The following FAM117B variants were observed in gnomAD, a reference collection of about 807,000 sequenced individuals.
FAM117B encodes family with sequence similarity 117 member B, also known as protein FAM117B.
A neutral mutation model predicts 52.8 loss-of-function variants in FAM117B; 22 were observed. The observed-to-expected ratio is 0.42, with a 90% CI of 0.30 to 0.59. FAM117B has a LOEUF of 0.59. Among genes scored for constraint, FAM117B ranks in the 20% least tolerant of loss-of-function variants. The pLI, the probability that FAM117B is intolerant of heterozygous loss-of-function variation, is 0.22. For missense variants in FAM117B, 678 were observed against 802.6 expected (o/e 0.84, Z 1.88); for synonymous variants, 309 against 324.1 (o/e 0.95, Z 0.50).
chr2:202,642,344 A>AATATATAT (rs59347439), intron 1 of FAM117B, among the ~76,000 whole-genome samples: 2,688 of 142,526 alleles, frequency 0.019, 45 homozygotes, highest in African/African-American at 0.045. Context: ...GAATAAATAG[A>AATATATAT]ATATATATAT....
intron 4 of FAM117B, among the ~76,000 whole-genome samples, chr2:202,749,274 G>T (rs900196618): frequency 6.6e-6 from 1 of 152,222 alleles, no homozygotes; most frequent in African/African-American, 2.4e-5. Context: ...TTGTCTAGGA[G>T]GATGTGCATG....
intron 4 of FAM117B, 35 bp downstream of exon 4, chr2:202,726,398 A>C (rs1320984077): frequency 2.7e-6 from 4 of 1,487,912 alleles, no homozygotes; most frequent in Non-Finnish European, 3.7e-6. Context: ...CCAGAAAAGG[A>C]ATTTGTTGTT....
chr2:202,678,481 A>C (rs543612107), intron 1 of FAM117B, among the ~76,000 whole-genome samples: 1 of 152,302 alleles, frequency 6.6e-6, no homozygotes, highest in South Asian at 2.1e-4. Flanking sequence ...ACATGGGGAT[A>C]TGTGGGGACA....
intron 1 of FAM117B, among the ~76,000 whole-genome samples, chr2:202,693,693 T>C (rs1280874550): frequency 1.3e-5 from 2 of 152,202 alleles, no homozygotes; most frequent in Non-Finnish European, 2.9e-5. Flanking sequence ...GACTTGCCTT[T>C]TTTCACTGAC....
At chr2:202,704,977 T>G (rs1656155991) in intron 2 of FAM117B, among the ~76,000 whole-genome samples, 1 of 151,980 alleles carries the variant, frequency 6.6e-6, no homozygotes, top group Non-Finnish European at 1.5e-5. Flanking sequence ...GGAGAAGGAT[T>G]CTGGAAAATA....
At chr2:202,636,671 A>G (rs1689692266) in intron 1 of FAM117B, among the ~76,000 whole-genome samples, 1 of 152,238 alleles carries the variant, frequency 6.6e-6, no homozygotes. Context: ...TTAAGGAAAG[A>G]AATGGGTGGT....
chr2:202,636,730 GTCTGGGGAACTTC>G (rs1197835278), intron 1 of FAM117B, among the ~76,000 whole-genome samples: 7 of 152,188 alleles, frequency 4.6e-5, no homozygotes, highest in African/African-American at 1.7e-4. Flanking sequence ...GTCTTTCCTT[GTCTGGGGAACTTC>G]TGTTAGAATT....
intron 2 of FAM117B, among the ~76,000 whole-genome samples, chr2:202,721,095 C>T (rs1223748116): frequency 6.6e-6 from 1 of 152,192 alleles, no homozygotes; most frequent in African/African-American, 2.4e-5. Flanking sequence ...TCCCTCTTAT[C>T]TCTAAGGGTT....
intron 1 of FAM117B, among the ~76,000 whole-genome samples, chr2:202,655,757 AGAGAGTGT>A (rs1559095472): frequency 1.8e-4 from 23 of 126,144 alleles, no homozygotes; most frequent in African/African-American, 5.9e-4. Context: ...AGAGAGAGAG[AGAGAGTGT>A]GTGTGTGTGT....
At chr2:202,757,190 ATG>A in intron 5 of FAM117B, 21 bp from the exon 6 acceptor site, 1 of 1,607,404 alleles carries the variant, frequency 6.2e-7, no homozygotes, top group Non-Finnish European at 8.5e-7. Context: ...AAATATACCT[ATG>A]TTTTTACAAT....
chr2:202,668,185 A>G (rs1254181334), intron 1 of FAM117B, among the ~76,000 whole-genome samples: 1 of 144,670 alleles, frequency 6.9e-6, no homozygotes, highest in African/African-American at 2.5e-5. Flanking sequence ...ATTATATTAT[A>G]TAATATATAT....
chr2:202,673,406 G>C (rs1490046250), intron 1 of FAM117B, among the ~76,000 whole-genome samples: 1 of 144,278 alleles, frequency 6.9e-6, no homozygotes. Context: ...TGAATTAAAG[G>C]CTAGCCTACC....
chr2:202,689,302 C>T (rs940822627), intron 1 of FAM117B, among the ~76,000 whole-genome samples: 5 of 151,904 alleles, frequency 3.3e-5, no homozygotes, highest in Admixed American at 6.6e-5. Flanking sequence ...ATTAGCCAGG[C>T]GTAGTGGCGT....
intron 4 of FAM117B, among the ~76,000 whole-genome samples, chr2:202,740,359 C>CAAA (rs769846441): frequency 2.0e-4 from 13 of 65,516 alleles, no homozygotes; most frequent in African/African-American, 3.0e-4. Flanking sequence ...GACTCTGCCT[C>CAAA]AAAAAAAAAA....
At chr2:202,712,419 C>CTTTT (rs1186703318) in intron 2 of FAM117B, among the ~76,000 whole-genome samples, 1,626 of 89,030 alleles carry the variant, frequency 0.018, 3 homozygotes, top group Middle Eastern at 0.039. Flanking sequence ...TATCAGCTCT[C>CTTTT]TTTTTTTTTT....
intron 1 of FAM117B, among the ~76,000 whole-genome samples, chr2:202,676,774 C>T (rs1429718738): frequency 6.6e-6 from 1 of 152,070 alleles, no homozygotes; most frequent in African/African-American, 2.4e-5. Context: ...AGGGGTGCTG[C>T]CACAGCAAAT....
chr2:202,712,940 G>GCA (rs1690980514), intron 2 of FAM117B, among the ~76,000 whole-genome samples: 1 of 152,116 alleles, frequency 6.6e-6, no homozygotes, highest in East Asian at 1.9e-4. Flanking sequence ...AATTCAGTTT[G>GCA]CTAGTATTTT....
At position 202,668,233 on chromosome 2, in the gene FAM117B, T is replaced by G. The variant is rs562693309; in HGVS notation, c.602-27648T>G. On this transcript the variant is annotated intron_variant, in intron 1 of 7. Coordinates refer to ENST00000392238, the MANE Select transcript of FAM117B (RefSeq NM_173511.4). ...ATATAATATACAATATAATATATAT[T>G]AATATTTATATATTTAGATACATAT... 2.9e-3 allele frequency among the ~76,000 whole-genome samples: 427 copies of G among 145,646 alleles called. 1 individual carries two copies. Among genetic ancestry groups the G allele is most frequent in the Non-Finnish European group, 4.7e-3 (313 of 66,602 alleles).
At position 202,755,834 on chromosome 2, in the gene FAM117B, T is replaced by C. The variant is rs542519879; in HGVS notation, c.1104+153T>C. Among the ~76,000 whole-genome samples, 14 of 152,336 alleles carry C rather than the reference T, an allele frequency of 9.2e-5. No individual in the cohort carries two copies. The South Asian group carries it at 2.9e-3, about 32-fold the overall frequency. On this transcript the variant is annotated intron_variant, in intron 5 of 7. Coordinates refer to ENST00000392238, the MANE Select transcript of FAM117B (RefSeq NM_173511.4). The stretch of plus-strand genomic sequence containing the variant: ...AAAATCTTTGACCTGGGTGAGTGAA[T>C]GAAAAGTTTTCATTTTGTTGCATGT...
Sources: gnomAD v4.1 joint callset for allele counts (sites outside exome capture counted in the v4.1 genomes callset) on GRCh38, gnomAD v4.1.1 for gene constraint, MANE v1.5 for transcripts, NCBI Gene and HGNC (gene_info 2026-07-23, HGNC 2026-07-21) for gene names.